The following MIPEP variants were observed in gnomAD, a reference collection of about 807,000 sequenced individuals.
MIPEP encodes the protein mitochondrial intermediate peptidase.
Under a neutral mutation model 90.3 loss-of-function variants are expected in MIPEP, and 79 were observed. The ratio of observed to expected loss-of-function variants is 0.87; its 90% CI spans 0.73 to 1.05. MIPEP has a LOEUF of 1.05. Among genes scored for constraint, MIPEP ranks in the 50% least tolerant of loss-of-function variants. MIPEP has a pLI of 0.00. For synonymous variants in MIPEP, 334 were observed against 315.8 expected (o/e 1.06, Z -0.61); for missense variants, 940 against 905.6 (o/e 1.04, Z -0.49).
chr13:23,878,818 G>A (rs1302895744), intron 4 of MIPEP, among the ~76,000 whole-genome samples: 1 of 152,118 alleles, frequency 6.6e-6, no homozygotes, highest in Non-Finnish European at 1.5e-5. Context: ...TTTTCTGATA[G>A]TATCAATTAT....
intron 18 of MIPEP, among the ~76,000 whole-genome samples, chr13:23,735,688 ATATAGT>A (rs1372196475): frequency 1.5e-4 from 23 of 152,350 alleles, no homozygotes; most frequent in African/African-American, 4.6e-4. Flanking sequence ...TTCTAAAGAA[ATATAGT>A]TAGAGCTAAC....
chr13:23,735,732 T>G (rs1370500237), intron 18 of MIPEP, among the ~76,000 whole-genome samples: 1 of 152,138 alleles, frequency 6.6e-6, no homozygotes, highest in Non-Finnish European at 1.5e-5. Context: ...ATGTATGTGA[T>G]TGCTGAAGAT....
intron 14 of MIPEP, among the ~76,000 whole-genome samples, chr13:23,816,534 T>C (rs1044707515): frequency 6.6e-6 from 1 of 152,240 alleles, no homozygotes; most frequent in African/African-American, 2.4e-5. Context: ...TAGTTTTTTT[T>C]TGTAGTTTCC....
At chr13:23,878,984 G>C (rs1015977002) in intron 4 of MIPEP, among the ~76,000 whole-genome samples, 1 of 152,170 alleles carries the variant, frequency 6.6e-6, no homozygotes, top group Non-Finnish European at 1.5e-5. Flanking sequence ...TTGCAGTCTG[G>C]TGAGATAGAT....
intron 2 of MIPEP, among the ~76,000 whole-genome samples, chr13:23,885,495 C>T (rs1871436088): frequency 6.6e-6 from 1 of 151,978 alleles, no homozygotes; most frequent in Admixed American, 6.5e-5. Context: ...GGGATGGATA[C>T]CCCATTTTCC....
intron 15 of MIPEP, among the ~76,000 whole-genome samples, chr13:23,809,475 G>C (rs1254658035): frequency 6.6e-6 from 1 of 151,944 alleles, no homozygotes; most frequent in Non-Finnish European, 1.5e-5. Flanking sequence ...CTCCTGAGTA[G>C]CTGGGATTAT....
chr13:23,733,280 T>TC (rs1282145027), intron 18 of MIPEP, among the ~76,000 whole-genome samples: 1 of 98,638 alleles, frequency 1.0e-5, no homozygotes, highest in Non-Finnish European at 3.0e-5. Context: ...ACTTAACAGA[T>TC]TGGGCCTTTT....
At chr13:23,884,713 G>C (rs1428367137) in intron 2 of MIPEP, among the ~76,000 whole-genome samples, 1 of 152,192 alleles carries the variant, frequency 6.6e-6, no homozygotes, top group East Asian at 1.9e-4. Context: ...CCAAAAACAA[G>C]TTAATGCCAG....
intron 2 of MIPEP, among the ~76,000 whole-genome samples, chr13:23,881,999 C>CA (rs989919234): frequency 3.3e-5 from 5 of 150,796 alleles, no homozygotes; most frequent in African/African-American, 7.3e-5. Context: ...TGTTTCACTC[C>CA]AAAAAAAGAC....
chr13:23,739,892 C>T (rs577247317), intron 18 of MIPEP, among the ~76,000 whole-genome samples: 2 of 152,348 alleles, frequency 1.3e-5, no homozygotes, highest in East Asian at 3.9e-4. Flanking sequence ...GATTTCTGTT[C>T]TGAGGAACTT....
Position 23,878,461 on chromosome 13 carries a change from A to C in MIPEP, c.539+807T>G, listed in dbSNP as rs554864837. Among the ~76,000 whole-genome samples, 82 of 152,322 alleles carry C rather than the reference A, an allele frequency of 5.4e-4. 1 individual carries two copies. In the South Asian group the frequency reaches 0.016, roughly 30 times the overall value. ...TGGCTTCATTTGGGGTCAATAAGCC[A>C]CATATGGAGACAAAATAGAAGGAAA... On this transcript the variant is annotated intron_variant, in intron 4 of 18. Coordinates refer to ENST00000382172, the MANE Select transcript of MIPEP (RefSeq NM_005932.4).
chr13:23,811,044 T>C (rs1779620749), intron 14 of MIPEP, among the ~76,000 whole-genome samples: 1 of 152,198 alleles, frequency 6.6e-6, no homozygotes, highest in Non-Finnish European at 1.5e-5. Context: ...TGGGGCTTTC[T>C]GACACCAGGG....
At chr13:23,765,858 C>T (rs1204948792) in intron 16 of MIPEP, 3 of 152,146 alleles carry the variant, frequency 2.0e-5, no homozygotes, top group Non-Finnish European at 4.4e-5. Context: ...ACTACAAGGG[C>T]AGTTTCATTT....
intron 16 of MIPEP, among the ~76,000 whole-genome samples, chr13:23,768,008 A>G (rs1463978563): frequency 1.3e-5 from 2 of 152,190 alleles, no homozygotes; most frequent in South Asian, 2.1e-4. Flanking sequence ...TATATTCTTG[A>G]AAATGGCTGT....
At position 23,874,833 on chromosome 13, in the gene MIPEP, C is replaced by G; in HGVS notation, c.603+13G>C. 6.3e-7 allele frequency: 1 copy of G among 1,576,106 alleles called. No individual in the cohort carries two copies. Among genetic ancestry groups the G allele is most frequent in the South Asian group, 1.2e-5 (1 of 83,712 alleles). ...AAAACTGGAAGAGTCAAAAAAACAG[C>G]AGAAAGATGTACCTTTTCTTTGTCT... On this transcript the variant is annotated intron_variant, in intron 5 of 18. Transcript: ENST00000382172.
intron 4 of MIPEP, among the ~76,000 whole-genome samples, chr13:23,876,185 A>C (rs1871065652): frequency 6.6e-6 from 1 of 152,182 alleles, no homozygotes; most frequent in South Asian, 2.1e-4. Flanking sequence ...GAGAGGATCC[A>C]TCATCCCAAA....
At chr13:23,888,234 C>A (rs1267416841) in intron 1 of MIPEP, 2 of 322,114 alleles carry the variant, frequency 6.2e-6, no homozygotes, top group Non-Finnish European at 1.2e-5. Flanking sequence ...ACCAACACTA[C>A]ATACCCTTAA....
At chr13:23,857,685 G>C (rs1267030132) in intron 10 of MIPEP, among the ~76,000 whole-genome samples, 1 of 152,234 alleles carries the variant, frequency 6.6e-6, no homozygotes. Context: ...TGGCAACAGT[G>C]ATAGATGGAG....
chr13:23,808,750 T>C lies in MIPEP; in HGVS notation c.1728+1100A>G, dbSNP rs1953139928. ...AAATCCTTTAAAAATTATATTGATATGAATAGATACTGAGTAAGGTAAAGC... is the reference window on the plus strand; with the variant it reads ...AAATCCTTTAAAAATTATATTGATACGAATAGATACTGAGTAAGGTAAAGC... On this transcript the variant is annotated intron_variant, in intron 15 of 18. Coordinates refer to ENST00000382172, the MANE Select transcript of MIPEP (RefSeq NM_005932.4). Among the ~76,000 whole-genome samples, 2 of 152,222 alleles carry C rather than the reference T, an allele frequency of 1.3e-5. 1 individual carries two copies. Among genetic ancestry groups the C allele is most frequent in the Admixed American group, 1.3e-4 (2 of 15,282 alleles).
Sources: gnomAD v4.1 joint callset for allele counts (sites outside exome capture counted in the v4.1 genomes callset) on GRCh38, gnomAD v4.1.1 for gene constraint, MANE v1.5 for transcripts, NCBI Gene and HGNC (gene_info 2026-07-23, HGNC 2026-07-21) for gene names.